TMEM132E: variants seen among roughly 807,000 people sequenced by gnomAD.
TMEM132E encodes the protein transmembrane protein 132E.
TMEM132E carries 49 observed loss-of-function variants against 78.5 expected under a neutral mutation model. The ratio of observed to expected loss-of-function variants is 0.62; its 90% confidence interval spans 0.50 to 0.79. The LOEUF is 0.79. TMEM132E is among the 30% of genes least tolerant of loss of function. TMEM132E has a pLI of 0.00. For missense variants in TMEM132E, 1,403 were observed against 1,470.9 expected, an observed-to-expected ratio of 0.95 and a Z score of 0.75; for synonymous variants, 715 against 670.6, an observed-to-expected ratio of 1.07 and a Z score of -1.02.
chr17:34,611,314 G>T (rs894082377), intron 1 of TMEM132E, among the ~76,000 whole-genome samples: 6 of 152,216 alleles, frequency 3.9e-5, no homozygotes, highest in Non-Finnish European at 8.8e-5. Flanking sequence ...GAAGTAGGAA[G>T]GTAAGCAGCC....
intron 6 of TMEM132E, among the ~76,000 whole-genome samples, chr17:34,633,904 T>G (rs567608695): frequency 6.6e-6 from 1 of 152,316 alleles, no homozygotes; most frequent in East Asian, 1.9e-4. Flanking sequence ...GACAGCCTGG[T>G]TTAAGTCCTG....
chr17:34,630,736 C>T (rs980015115), intron 5 of TMEM132E, among the ~76,000 whole-genome samples: 1 of 152,142 alleles, frequency 6.6e-6, no homozygotes, highest in South Asian at 2.1e-4. Flanking sequence ...GGCACACACG[C>T]TCCAGCTTCT....
chr17:34,581,512 C>T (rs896663898), intron 1 of TMEM132E, among the ~76,000 whole-genome samples: 4 of 152,152 alleles, frequency 2.6e-5, no homozygotes, highest in Non-Finnish European at 5.9e-5. Context: ...CTGCAGCCGG[C>T]CGGGCTGGGG....
rs1010124250 is a variant in TMEM132E at position 34,635,061 on chromosome 17, C to G, written c.1951C>G (p.Leu651Val). Residue 651 changes from leucine to valine, a missense_variant, in exon 7 of 9, where the codon CTG becomes GTG. Around this residue, in one of 3 missense-constraint regions of TMEM132E, gnomAD observed 888 missense variants for 952.8 expected, o/e 0.93. Transcript: ENST00000631683. ...GGTGGACAGCAGCACGCTGGCAGGA[C>G]TGGAGCCAGGCACCACCCCCTTTAA... Reference protein sequence around the residue: ...HMVDSSTLAGLEPGTTPFKVV... With the variant: ...HMVDSSTLAGVEPGTTPFKVV... 6 of 1,613,530 alleles carry G rather than the reference C, an allele frequency of 3.7e-6. No individual in the cohort carries two copies. The African/African-American group carries it at 8.0e-5, about 22-fold the overall frequency.
intron 1 of TMEM132E, among the ~76,000 whole-genome samples, chr17:34,610,920 C>T (rs1410573364): frequency 6.6e-6 from 1 of 152,210 alleles, no homozygotes; most frequent in Non-Finnish European, 1.5e-5. Flanking sequence ...TGTCATGGCA[C>T]TGGTGGATGT....
chr17:34,595,595 T>A (rs1005447295), intron 1 of TMEM132E, among the ~76,000 whole-genome samples: 5 of 152,196 alleles, frequency 3.3e-5, no homozygotes, highest in Non-Finnish European at 5.9e-5. Context: ...GGACAAGGGC[T>A]GGCAGGGAGA....
intron 1 of TMEM132E, among the ~76,000 whole-genome samples, chr17:34,596,709 T>A (rs907845507): frequency 6.6e-6 from 1 of 151,988 alleles, no homozygotes; most frequent in Admixed American, 6.5e-5. Context: ...CTGCAGGTCC[T>A]CCTCAGAATC....
chr17:34,614,024 C>T (rs937850476), intron 1 of TMEM132E, among the ~76,000 whole-genome samples: 1 of 152,190 alleles, frequency 6.6e-6, no homozygotes, highest in Non-Finnish European at 1.5e-5. Flanking sequence ...CCCCCCTTCC[C>T]TCGTGGTCAT....
At chr17:34,616,411 C>T (rs1436475356) in intron 1 of TMEM132E, among the ~76,000 whole-genome samples, 2 of 152,214 alleles carry the variant, frequency 1.3e-5, no homozygotes, top group Non-Finnish European at 2.9e-5. Context: ...CTGGTGGCTT[C>T]AGTGGCTCTT....
chr17:34,589,951 C>T (rs1905809566), intron 1 of TMEM132E, among the ~76,000 whole-genome samples: 1 of 152,206 alleles, frequency 6.6e-6, no homozygotes, highest in South Asian at 2.1e-4. Flanking sequence ...GAGAAATGAT[C>T]TCAATTTTCT....
intron 1 of TMEM132E, among the ~76,000 whole-genome samples, chr17:34,617,499 TTGAATGAATGAA>T (rs35356399): frequency 5.9e-5 from 9 of 152,052 alleles, no homozygotes; most frequent in Admixed American, 1.3e-4. Context: ...CCAATAAATG[TTGAATGAATGAA>T]TGAATGAATG....
intron 1 of TMEM132E, among the ~76,000 whole-genome samples, chr17:34,613,390 C>G (rs913601088): frequency 6.7e-6 from 1 of 149,600 alleles, no homozygotes; most frequent in African/African-American, 2.5e-5. Flanking sequence ...CTCCCCTCCC[C>G]CGCTGCTCCT....
chr17:34,616,505 C>T (rs187115707), intron 1 of TMEM132E, among the ~76,000 whole-genome samples: 108 of 152,320 alleles, frequency 7.1e-4, no homozygotes, highest in African/African-American at 2.5e-3. Flanking sequence ...TGCTCTGGGG[C>T]TCCTGCTGCT....
chr17:34,632,702 A>C lies in TMEM132E; in HGVS notation c.1483-2A>C. 6.2e-7 allele frequency: 1 copy of C among 1,614,114 alleles called. No individual in the cohort carries two copies. The highest frequency in any genetic ancestry group is 8.5e-7 in the Non-Finnish European group (1 of 1,179,998). On this transcript the variant is annotated splice_acceptor_variant, in intron 5 of 8. Coordinates refer to ENST00000631683, the MANE Select transcript of TMEM132E (RefSeq NM_001304438.2). LOFTEE classifies it high-confidence loss of function. Reference sequence around the variant, plus strand: ...GTGCCAACTGTTCCTCCCTTCCCCCAGGTATCCAGCAGCTGTGACTACGTG... The same window carrying C: ...GTGCCAACTGTTCCTCCCTTCCCCCCGGTATCCAGCAGCTGTGACTACGTG...
intron 1 of TMEM132E, among the ~76,000 whole-genome samples, chr17:34,618,050 C>G (rs1160430214): frequency 2.0e-5 from 3 of 152,118 alleles, no homozygotes; most frequent in Admixed American, 1.3e-4. Context: ...TTAATTCGCA[C>G]TATTTTGTGA....
intron 1 of TMEM132E, among the ~76,000 whole-genome samples, chr17:34,621,615 AG>A (rs1389039343): frequency 6.6e-6 from 1 of 152,208 alleles, no homozygotes; most frequent in Non-Finnish European, 1.5e-5. Flanking sequence ...AGAGGGTCCC[AG>A]GGCCAGACCC....
intron 5 of TMEM132E, among the ~76,000 whole-genome samples, chr17:34,632,299 T>C (rs970695999): frequency 1.3e-5 from 2 of 152,224 alleles, no homozygotes; most frequent in African/African-American, 4.8e-5. Flanking sequence ...CATGTCCTTT[T>C]TCTGCATCAT....
At chr17:34,581,575 GGTGCGGGGCCGCGCCGCCC>G (rs1285504596) in intron 1 of TMEM132E, among the ~76,000 whole-genome samples, 1 of 150,160 alleles carries the variant, frequency 6.7e-6, no homozygotes, top group East Asian at 2.0e-4. Context: ...CGCGCAGGCC[GGTGCGGGGCCGCGCCGCCC>G]GTCGCCTCGC....
chr17:34,630,523 T>C (rs1273189768), intron 5 of TMEM132E, among the ~76,000 whole-genome samples: 3 of 152,116 alleles, frequency 2.0e-5, no homozygotes, highest in Non-Finnish European at 4.4e-5. Context: ...TTGAAATCAA[T>C]CTAGCAAGAC....
Sources: gnomAD v4.1 joint callset for allele counts (sites outside exome capture counted in the v4.1 genomes callset) on GRCh38, gnomAD v4.1.1 for gene constraint, gnomAD v4.1.1 regional missense constraint, MANE v1.5 for transcripts, NCBI Gene and HGNC (gene_info 2026-07-23, HGNC 2026-07-21) for gene names.